Variants in MRC2 observed in about 807,000 individuals in gnomAD.
The protein encoded by MRC2 is mannose receptor C-type 2, also known as C-type mannose receptor 2.
MRC2 carries 84 observed loss-of-function variants against 206.2 expected under a neutral mutation model. The observed-to-expected ratio is 0.41, with a 90% confidence interval of 0.34 to 0.49. The LOEUF (loss-of-function observed/expected upper bound fraction) is 0.49. MRC2 is among the 20% of genes least tolerant of loss of function. The probability of loss-of-function intolerance (pLI) is 0.31; values close to 1 mark genes in which losing one functional copy is unlikely to be tolerated. For missense variants in MRC2, 1,676 were observed against 2,001.5 expected (o/e 0.84, Z 3.10); for synonymous variants, 798 against 800.0 (o/e 1.00, Z 0.04).
chr17:62,653,078 G>A lies in MRC2; in HGVS notation c.119-11470G>A, dbSNP rs535038520. 7.9e-5 allele frequency among the ~76,000 whole-genome samples: 12 copies of A among 152,282 alleles called. No homozygotes were observed. In the East Asian group the frequency reaches 2.3e-3, roughly 30 times the overall value. On this transcript the variant is annotated intron_variant, in intron 1 of 29. Coordinates refer to ENST00000303375, the MANE Select transcript of MRC2 (RefSeq NM_006039.5). ...GGATCCAGGCCTGGTGACCCCCGGT[G>A]AGGAAGAGCCAGTGGGAGGAAAGGG...
At position 62,666,737 on chromosome 17, in the gene MRC2, G is replaced by C; in HGVS notation, c.860-20G>C. On this transcript the variant is annotated intron_variant, in intron 4 of 29. Coordinates refer to ENST00000303375, the MANE Select transcript of MRC2 (RefSeq NM_006039.5). The surrounding 1 kb of genome is among the most constrained non-coding windows in gnomAD (Gnocchi z 5.0). ...GCTGGGGCTGGGGATCCCCTGTTCAGTGTCCCTCCTTGCTGTCAGGCCTCC... is the reference window on the plus strand; with the variant it reads ...GCTGGGGCTGGGGATCCCCTGTTCACTGTCCCTCCTTGCTGTCAGGCCTCC... 1 of 1,611,754 alleles carries C rather than the reference G, an allele frequency of 6.2e-7. No individual in the cohort carries two copies. Among genetic ancestry groups the C allele is most frequent in the Non-Finnish European group, 8.5e-7 (1 of 1,178,692 alleles).
chr17:62,674,705 G>C (rs571863106), intron 9 of MRC2, among the ~76,000 whole-genome samples: 3 of 152,118 alleles, frequency 2.0e-5, no homozygotes, highest in Admixed American at 1.3e-4. Flanking sequence ...AGGTTGAGGG[G>C]GGGGGTGTCA....
At chr17:62,658,246 G>A (rs1598978620) in intron 1 of MRC2, among the ~76,000 whole-genome samples, 1 of 152,068 alleles carries the variant, frequency 6.6e-6, no homozygotes, top group Admixed American at 6.6e-5. Flanking sequence ...TCTTATGCCC[G>A]GCATTTCTCC....
chr17:62,673,004 A>AG (rs397719271), intron 8 of MRC2, among the ~76,000 whole-genome samples: 1 of 149,120 alleles, frequency 6.7e-6, no homozygotes, highest in Non-Finnish European at 1.5e-5. Context: ...AAAAAAAAAA[A>AG]TAAAATAAAA....
intron 20 of MRC2, among the ~76,000 whole-genome samples, chr17:62,684,405 A>G (rs138485777): frequency 5.9e-4 from 90 of 152,272 alleles, no homozygotes; most frequent in Admixed American, 1.4e-3. Context: ...GCAAGACCCT[A>G]TCTAGAAAAT....
intron 1 of MRC2, among the ~76,000 whole-genome samples, chr17:62,632,597 G>A (rs756297963): frequency 3.3e-5 from 5 of 152,124 alleles, no homozygotes; most frequent in Non-Finnish European, 7.3e-5. Flanking sequence ...CGATCACTTT[G>A]CCTGGTGTGC....
At chr17:62,645,655 T>TC (rs989584035) in intron 1 of MRC2, among the ~76,000 whole-genome samples, 16 of 148,146 alleles carry the variant, frequency 1.1e-4, no homozygotes, top group African/African-American at 3.7e-4. Flanking sequence ...CATCTCAGAC[T>TC]CCTGAGTAAG....
At chr17:62,641,654 A>G (rs1176038479) in intron 1 of MRC2, among the ~76,000 whole-genome samples, 2 of 152,240 alleles carry the variant, frequency 1.3e-5, no homozygotes, top group Non-Finnish European at 2.9e-5. Context: ...AAATTATAGA[A>G]TAGACACAAT....
At chr17:62,682,999 T>C (rs2088988473) in intron 20 of MRC2, among the ~76,000 whole-genome samples, 1 of 152,098 alleles carries the variant, frequency 6.6e-6, no homozygotes, top group Admixed American at 6.6e-5. Flanking sequence ...TAAAACAAAA[T>C]ATTGAGCTTA....
rs1326911824 is a variant in MRC2, at chr17:62,681,670, G to T, written c.2703-167G>T. On this transcript the variant is annotated intron_variant, in intron 18 of 29. Transcript: ENST00000303375. ...TTATCTAGAGGCACCAGGTCCTTGG[G>T]TCTTTGACTGCCCTGAGCTCAGTAG... 5 of 599,906 alleles carry T rather than the reference G, an allele frequency of 8.3e-6. No homozygotes were observed. In the Middle Eastern group the frequency reaches 1.7e-3, roughly 208 times the overall value. The allele number at this position is 599,906 out of a possible 1,614,324, so 37.2% of individuals were successfully genotyped here. A position where few individuals can be genotyped will look rare whatever the true frequency, so the allele number is the denominator to read the frequency against.
intron 1 of MRC2, among the ~76,000 whole-genome samples, chr17:62,658,406 G>A (rs1261952326): frequency 2.0e-5 from 3 of 152,186 alleles, no homozygotes; most frequent in South Asian, 2.1e-4. Flanking sequence ...GAGGGGCCTT[G>A]AAGCTGTGCC....
intron 13 of MRC2, 117 bp from the exon 14 acceptor site, chr17:62,679,683 A>G: frequency 1.2e-6 from 1 of 830,926 alleles, no homozygotes; most frequent in Non-Finnish European, 1.9e-6. Flanking sequence ...CCAGATGGAG[A>G]GGCCCCAGGC....
At chr17:62,674,400 G>A (rs1598988874) in intron 9 of MRC2, among the ~76,000 whole-genome samples, 1 of 152,146 alleles carries the variant, frequency 6.6e-6, no homozygotes, top group East Asian at 1.9e-4. Context: ...GCCCAGTCCT[G>A]AGTCCCTCCC....
At chr17:62,632,132 A>T (rs1158653102) in intron 1 of MRC2, among the ~76,000 whole-genome samples, 2 of 151,550 alleles carry the variant, frequency 1.3e-5, no homozygotes, top group Non-Finnish European at 2.9e-5. Context: ...CAGATCTGTC[A>T]CTCTTCAGCT....
At chr17:62,644,645 T>G (rs8067011) in intron 1 of MRC2, among the ~76,000 whole-genome samples, 1,958 of 152,294 alleles carry the variant, frequency 0.013, 23 homozygotes, top group Non-Finnish European at 0.023. Flanking sequence ...AGCATTTGTG[T>G]CCTGTTCCCA....
rs1416502671 is a variant in MRC2 at position 62,645,409 on chromosome 17, A to AAT, written c.118+17500_118+17501dup. 1.7e-4 allele frequency among the ~76,000 whole-genome samples: 25 copies of AAT among 148,966 alleles called. 1 individual carries two copies. The East Asian group carries it at 3.1e-3, about 19-fold the overall frequency. On this transcript the variant is annotated intron_variant, in intron 1 of 29. Transcript: ENST00000303375. ...AAACATTATATACATTCATCTCAAA[A>AAT]ATATATATATATGTGATATATATAC...
rs750413351 is a variant in MRC2, at chr17:62,671,995, C to T, written c.1307-3C>T. The T allele has an allele frequency of 1.3e-5, 21 of 1,613,996 alleles. No individual in the cohort carries two copies. Among genetic ancestry groups the T allele is most frequent in the Non-Finnish European group, 1.8e-5 (21 of 1,180,038 alleles). ...CTCCCCTCCTCTCCTGCTGCACCCCCAGAGGTGGAGGAGCTGTGGATCGGC... is the reference window on the plus strand; with the variant it reads ...CTCCCCTCCTCTCCTGCTGCACCCCTAGAGGTGGAGGAGCTGTGGATCGGC... On this transcript the variant is annotated splice_region_variant and splice_polypyrimidine_tract_variant and intron_variant, in intron 7 of 29. Transcript: ENST00000303375. This position sits in a 1 kb window ranked among gnomAD's most constrained non-coding sequence, Gnocchi z 4.5.
At chr17:62,658,446 G>A (rs1443141306) in intron 1 of MRC2, among the ~76,000 whole-genome samples, 1 of 152,190 alleles carries the variant, frequency 6.6e-6, no homozygotes, top group African/African-American at 2.4e-5. Flanking sequence ...ACTGAGGCCT[G>A]AAAGGTACTT....
chr17:62,661,610 T>G (rs2088682901), intron 1 of MRC2: 2 of 151,660 alleles, frequency 1.3e-5, no homozygotes, highest in Non-Finnish European at 2.9e-5. Flanking sequence ...CCTTCCTTCC[T>G]TCCTTCTTTC....
Sources: allele counts gnomAD v4.1 joint callset (sites outside exome capture counted in the v4.1 genomes callset), GRCh38; gene constraint gnomAD v4.1.1; non-coding constraint Gnocchi (gnomAD v3.1); transcripts MANE v1.5; gene names NCBI Gene and HGNC (gene_info 2026-07-23, HGNC 2026-07-21).